HOXC6: variants seen among roughly 807,000 people sequenced by gnomAD.
HOXC6 encodes homeobox C6.
In HOXC6, 10 loss-of-function variants were observed where a neutral mutation model predicts 24.0. The observed-to-expected ratio is 0.42, with a 90% CI of 0.26 to 0.71. The LOEUF is 0.71. HOXC6 is among the 30% of genes least tolerant of loss of function. The pLI is 0.28. For synonymous variants in HOXC6, 123 were observed against 128.1 expected (o/e 0.96, Z 0.27); for missense variants, 258 against 303.4 (o/e 0.85, Z 1.11).
Position 54,029,894 on chromosome 12 carries a change from A to G in HOXC6, c.640A>G (p.Thr214Ala). The G allele has an allele frequency of 3.7e-6, 6 of 1,608,874 alleles. No homozygotes were observed. The highest frequency in any genetic ancestry group is 5.1e-6 in the Non-Finnish European group (6 of 1,177,744). Residue 214 changes from threonine (T) to alanine (A), a missense_variant, in exon 2 of 2, where the codon ACC becomes GCC. Thr to Ala is a moderately conservative substitution (Grantham distance 58, BLOSUM62 0). Coordinates refer to ENST00000243108, the MANE Select transcript of HOXC6 (RefSeq NM_004503.4). ...TCTCTCGGGGGGCGGCGGAGGGGCC[A>G]CCGCCGACAGCCTGGGCGGAAAAGA... ...STLSGGGGGA[T>A]ADSLGGKEEK...
At chr12:54,025,063 G>T (rs1410132769), upstream of HOXC6, among the ~76,000 whole-genome samples, 1 of 152,188 alleles carries the variant, frequency 6.6e-6, no homozygotes, top group Admixed American at 6.5e-5. Flanking sequence ...AGGCTAAGGG[G>T]CCAGAGCAGT....
intron 1 of HOXC6, chr12:54,019,996 C>G (rs186620932): frequency 6.6e-6 from 1 of 152,102 alleles, no homozygotes; most frequent in Admixed American, 6.6e-5. Context: ...TAAACTGGAC[C>G]CCAGTGGACT....
At chr12:54,017,673 C>A (rs989624943) in intron 1 of HOXC6, among the ~76,000 whole-genome samples, 1 of 152,014 alleles carries the variant, frequency 6.6e-6, no homozygotes, top group Admixed American at 6.6e-5. Flanking sequence ...GGGAACAGCA[C>A]CTGTGGGGCT....
chr12:54,018,927 CCCTGACCCGTCG>C (rs1212395977), intron 1 of HOXC6, among the ~76,000 whole-genome samples: 1 of 152,138 alleles, frequency 6.6e-6, no homozygotes, highest in Non-Finnish European at 1.5e-5. Context: ...CCTGTTTAAA[CCCTGACCCGTCG>C]CCTGTGGGGG....
At chr12:54,023,670 C>G (rs1454349487), upstream of HOXC6, among the ~76,000 whole-genome samples, 1 of 152,152 alleles carries the variant, frequency 6.6e-6, no homozygotes, top group East Asian at 1.9e-4. Context: ...CGGGCCCTGT[C>G]CCCAAAATAT....
chr12:54,017,527 G>A (rs529399979), intron 1 of HOXC6: 1 of 152,176 alleles, frequency 6.6e-6, no homozygotes, highest in African/African-American at 2.4e-5. Context: ...GCGAGAGGGT[G>A]GGCGCGTAGT....
At chr12:54,029,067 C>A in intron 1 of HOXC6, 146 bp downstream of exon 1, 1 of 803,148 alleles carries the variant, frequency 1.2e-6, no homozygotes, top group Non-Finnish European at 1.9e-6. Context: ...GCCCCCTCTT[C>A]TGCCCCCTCA....
chr12:54,028,705 G>A lies in HOXC6; in HGVS notation c.184G>A (p.Val62Met), dbSNP rs747377713. The change falls in exon 1 of 2, where the codon GTG (valine) becomes ATG (methionine). Residue 62 changes from valine to methionine, a missense_variant. By Grantham distance (21) the Val-to-Met change is conservative. Coordinates refer to ENST00000243108, the MANE Select transcript of HOXC6 (RefSeq NM_004503.4). Reference sequence around the variant, plus strand: ...CTTTTATTCGCCACAGGAGAATGTCGTGTTCAGTTCCAGCCGGGGGCCGTA... The same window carrying A: ...CTTTTATTCGCCACAGGAGAATGTCATGTTCAGTTCCAGCCGGGGGCCGTA... ...TPFYSPQENVVFSSSRGPYDY... is the reference protein window; with the variant it reads ...TPFYSPQENVMFSSSRGPYDY... 2 of 1,614,000 alleles carry A rather than the reference G, an allele frequency of 1.2e-6. No individual in the cohort carries two copies. The highest frequency in any genetic ancestry group is 1.7e-5 in the Admixed American group (1 of 60,014).
upstream of HOXC6, among the ~76,000 whole-genome samples, chr12:54,026,022 A>G (rs535197851): frequency 5.3e-5 from 8 of 152,272 alleles, no homozygotes; most frequent in African/African-American, 1.7e-4. Flanking sequence ...AAGACATCCT[A>G]TCTTCCATCA....
At chr12:54,022,484 A>T (rs1039403025) in intron 1 of HOXC6, 1 of 152,050 alleles carries the variant, frequency 6.6e-6, no homozygotes, top group African/African-American at 2.4e-5. Flanking sequence ...TAATATTCTC[A>T]TTTCTGAAAT....
At chr12:54,023,094 A>T (rs1940523098) in intron 1 of HOXC6, among the ~76,000 whole-genome samples, 1 of 152,136 alleles carries the variant, frequency 6.6e-6, no homozygotes, top group Admixed American at 6.5e-5. Flanking sequence ...CCCCATTCCC[A>T]GATCACAGAG....
Position 54,029,704 on chromosome 12 carries a change from G to A in HOXC6, c.450G>A (p.Arg150=), listed in dbSNP as rs529857999. The A allele has an allele frequency of 6.2e-7, 1 of 1,614,214 alleles. No individual in the cohort carries two copies. The highest frequency in any genetic ancestry group is 1.3e-5 in the African/African-American group (1 of 75,058). Residue 150 remains arginine (R), a synonymous_variant, in exon 2 of 2, where the codon CGG becomes CGA. Transcript: ENST00000243108. The stretch of plus-strand genomic sequence containing the variant: ...GGCGCGGCCGCCAGATCTACTCGCG[G>A]TACCAGACCCTGGAACTGGAGAAGG... ...DRRRGRQIYS[R]YQTLELEKEF...
chr12:54,019,256 C>A (rs1012616892), intron 1 of HOXC6, among the ~76,000 whole-genome samples: 2 of 131,708 alleles, frequency 1.5e-5, no homozygotes, highest in African/African-American at 5.7e-5. Context: ...TGTTTACGAT[C>A]GAGAAAAGCG....
At chr12:54,024,382 A>G (rs894736), upstream of HOXC6, among the ~76,000 whole-genome samples, 56,803 of 151,516 alleles carry the variant, frequency 0.37, 10,772 homozygotes, top group East Asian at 0.6. Flanking sequence ...CTGTAGTTGC[A>G]GCGCGGCAGT....
chr12:54,024,215 C>T (rs1400004353), upstream of HOXC6, among the ~76,000 whole-genome samples: 1 of 152,046 alleles, frequency 6.6e-6, no homozygotes, highest in Non-Finnish European at 1.5e-5. Context: ...CCGTTCTTCT[C>T]TTGCTCAGAA....
upstream of HOXC6, among the ~76,000 whole-genome samples, chr12:54,023,789 T>G (rs1940555975): frequency 6.6e-6 from 1 of 152,172 alleles, no homozygotes; most frequent in South Asian, 2.1e-4. Flanking sequence ...GCGGTGTGTG[T>G]AGCGGGGGCA....
intron 1 of HOXC6, 105 bp from the exon 2 acceptor site, chr12:54,029,550 T>G: frequency 3.3e-4 from 398 of 1,197,696 alleles, no homozygotes; most frequent in Non-Finnish European, 4.4e-4. Context: ...AAGGAGGCTG[T>G]GAGCTGCTGG....
In HOXC6 at chr12:54,029,766, G is replaced by A; in HGVS notation, c.512G>A (p.Arg171His). ...AATCGCTACCTAACGCGGCGCCGGC[G>A]CATCGAGATCGCCAACGCGCTTTGC... ...HFNRYLTRRR[R>H]IEIANALCLT... The change falls in exon 2 of 2, where the codon CGC (arginine) becomes CAC (histidine). Residue 171 changes from arginine (R) to histidine (H), a missense_variant. Coordinates refer to ENST00000243108, the MANE Select transcript of HOXC6 (RefSeq NM_004503.4). 6.2e-7 allele frequency: 1 copy of A among 1,614,158 alleles called. No homozygotes were observed. Among genetic ancestry groups the A allele is most frequent in the Non-Finnish European group, 8.5e-7 (1 of 1,180,032 alleles).
chr12:54,017,648 G>T (rs1940214941), intron 1 of HOXC6, among the ~76,000 whole-genome samples: 2 of 152,232 alleles, frequency 1.3e-5, no homozygotes, highest in Non-Finnish European at 1.5e-5. Flanking sequence ...TGCCAAGTTG[G>T]GGGTGGGGAG....
Sources: allele counts gnomAD v4.1 joint callset (sites outside exome capture counted in the v4.1 genomes callset), GRCh38; gene constraint gnomAD v4.1.1; transcripts MANE v1.5; gene names NCBI Gene and HGNC (gene_info 2026-07-23, HGNC 2026-07-21).